The following LRRTM4 variants were observed in gnomAD, a reference collection of about 807,000 sequenced individuals.
The protein encoded by LRRTM4 is leucine-rich repeat transmembrane neuronal protein 4.
In LRRTM4, 25 loss-of-function variants were observed where a neutral mutation model predicts 47.6. The observed-to-expected ratio is 0.53, with a 90% CI of 0.38 to 0.73. The LOEUF is 0.73. LRRTM4 is among the 30% of genes least tolerant of loss of function. LRRTM4 has a pLI of 0.00. For missense variants in LRRTM4, 638 were observed against 713.4 expected (o/e 0.89, Z 1.20); for synonymous variants, 311 against 269.5 (o/e 1.15, Z -1.51).
At chr2:77,231,265 C>A (rs908191913) in intron 3 of LRRTM4, among the ~76,000 whole-genome samples, 13 of 151,786 alleles carry the variant, frequency 8.6e-5, no homozygotes, top group Admixed American at 8.5e-4. Context: ...GCACACACCA[C>A]AAAGACCAGA....
At chr2:77,432,446 A>C (rs1335929143) in intron 3 of LRRTM4, among the ~76,000 whole-genome samples, 1 of 152,232 alleles carries the variant, frequency 6.6e-6, no homozygotes, top group Non-Finnish European at 1.5e-5. Context: ...TTTTTGGCAA[A>C]TTTTGTAAGG....
chr2:77,240,442 T>C (rs1191850878), intron 3 of LRRTM4, among the ~76,000 whole-genome samples: 1 of 151,974 alleles, frequency 6.6e-6, no homozygotes, highest in African/African-American at 2.4e-5. Flanking sequence ...AAGGTTTTTA[T>C]CTTCAAAAAT....
chr2:77,113,645 TGGG>T (rs1671311015), intron 3 of LRRTM4, among the ~76,000 whole-genome samples: 1 of 151,334 alleles, frequency 6.6e-6, no homozygotes, highest in South Asian at 2.1e-4. Context: ...AAAGGGGCAT[TGGG>T]GGAGCAGAAG....
chr2:77,329,530 A>G (rs998673736), intron 3 of LRRTM4, among the ~76,000 whole-genome samples: 1 of 152,194 alleles, frequency 6.6e-6, no homozygotes, highest in African/African-American at 2.4e-5. Flanking sequence ...GAGTATGCTG[A>G]ACAGTGCTAA....
intron 3 of LRRTM4, among the ~76,000 whole-genome samples, chr2:76,912,204 C>T (rs1455164231): frequency 2.6e-5 from 4 of 152,112 alleles, no homozygotes; most frequent in South Asian, 2.1e-4. Context: ...CAGGCGTGAG[C>T]CACCGCCCCT....
At chr2:77,234,431 G>A (rs1573116925) in intron 3 of LRRTM4, among the ~76,000 whole-genome samples, 1 of 152,154 alleles carries the variant, frequency 6.6e-6, no homozygotes, top group African/African-American at 2.4e-5. Context: ...TGTGGCCTAT[G>A]GTAGAATATA....
At chr2:76,786,575 A>G (rs556900993) in intron 3 of LRRTM4, among the ~76,000 whole-genome samples, 1 of 152,176 alleles carries the variant, frequency 6.6e-6, no homozygotes, top group South Asian at 2.1e-4. Flanking sequence ...TTTTACCTAC[A>G]TTAACAAACA....
chr2:77,152,732 A>G (rs1672463175), intron 3 of LRRTM4, among the ~76,000 whole-genome samples: 1 of 152,196 alleles, frequency 6.6e-6, no homozygotes, highest in African/African-American at 2.4e-5. Context: ...AAGCATGTAT[A>G]ATAATTGAGT....
chr2:77,462,299 C>A (rs1419390641), intron 3 of LRRTM4, among the ~76,000 whole-genome samples: 1 of 152,020 alleles, frequency 6.6e-6, no homozygotes, highest in Non-Finnish European at 1.5e-5. Flanking sequence ...CAAAATAAAA[C>A]CAAATCTTTC....
At chr2:76,862,955 G>A (rs1191962543) in intron 3 of LRRTM4, among the ~76,000 whole-genome samples, 1 of 152,276 alleles carries the variant, frequency 6.6e-6, no homozygotes, top group East Asian at 1.9e-4. Context: ...CTTATTTCCA[G>A]ATTATGTTTC....
chr2:77,384,574 C>T (rs75539136), intron 3 of LRRTM4, among the ~76,000 whole-genome samples: 2,443 of 151,510 alleles, frequency 0.016, 58 homozygotes, highest in African/African-American at 0.052. Context: ...ATCCTCATGA[C>T]CAAAATAAAA....
chr2:77,074,266 G>T (rs571577235), intron 3 of LRRTM4, among the ~76,000 whole-genome samples: 2 of 152,294 alleles, frequency 1.3e-5, no homozygotes, highest in East Asian at 3.9e-4. Context: ...CAGTGTGAGT[G>T]TGAGGTTTCA....
At chr2:76,945,746 T>C (rs1368334618) in intron 3 of LRRTM4, among the ~76,000 whole-genome samples, 2 of 127,082 alleles carry the variant, frequency 1.6e-5, no homozygotes, top group Non-Finnish European at 3.2e-5. Flanking sequence ...AGATTTTGAG[T>C]GTGTAGAAGT....
chr2:77,048,350 A>G (rs527885427), intron 3 of LRRTM4, among the ~76,000 whole-genome samples: 2 of 152,202 alleles, frequency 1.3e-5, no homozygotes, highest in East Asian at 3.9e-4. Flanking sequence ...AGGTGTTATA[A>G]TGAAGTTTTA....
At chr2:76,830,703 A>C (rs764474919) in intron 3 of LRRTM4, among the ~76,000 whole-genome samples, 2 of 152,064 alleles carry the variant, frequency 1.3e-5, no homozygotes, top group Non-Finnish European at 2.9e-5. Context: ...AAATGTCTTT[A>C]AAACAATAAT....
At chr2:77,445,287 A>G (rs1676009146) in intron 3 of LRRTM4, among the ~76,000 whole-genome samples, 1 of 151,872 alleles carries the variant, frequency 6.6e-6, no homozygotes. Flanking sequence ...TGGGAATTAC[A>G]TGAATCAACA....
intron 3 of LRRTM4, among the ~76,000 whole-genome samples, chr2:77,495,888 T>C (rs985612673): frequency 1.3e-5 from 2 of 151,984 alleles, no homozygotes; most frequent in African/African-American, 4.8e-5. Flanking sequence ...AATTTTAATA[T>C]TTGAAAATGT....
chr2:77,022,881 G>T (rs929826196), intron 3 of LRRTM4, among the ~76,000 whole-genome samples: 1 of 152,162 alleles, frequency 6.6e-6, no homozygotes, highest in African/African-American at 2.4e-5. Flanking sequence ...CTGGGGTCTG[G>T]AGGATGGTGG....
chr2:77,125,722 T>G (rs1400774670), intron 3 of LRRTM4, among the ~76,000 whole-genome samples: 2 of 152,062 alleles, frequency 1.3e-5, no homozygotes, highest in African/African-American at 4.8e-5. Flanking sequence ...ATAAACAAAT[T>G]TAACCTCACC....
Sources: allele counts gnomAD v4.1 joint callset (sites outside exome capture counted in the v4.1 genomes callset), GRCh38; gene constraint gnomAD v4.1.1; transcripts MANE v1.5; gene names NCBI Gene and HGNC (gene_info 2026-07-23, HGNC 2026-07-21).